XRN1: variants seen among roughly 807,000 people sequenced by gnomAD.
The protein encoded by XRN1 is strand-exchange protein 1 homolog.
A neutral mutation model predicts 222.3 loss-of-function variants in XRN1; 67 were observed. That is an observed-to-expected ratio of 0.30 (90% CI 0.25 to 0.37). The LOEUF (loss-of-function observed/expected upper bound fraction) is 0.37. Among genes scored for constraint, XRN1 ranks in the 10% least tolerant of loss-of-function variants. XRN1 has a pLI of 1.00. For synonymous variants in XRN1, 643 were observed against 652.4 expected (o/e 0.99, Z 0.22); for missense variants, 1,707 against 2,000.2 (o/e 0.85, Z 2.80).
At chr3:142,353,719 A>G (rs1468353051) in intron 32 of XRN1, among the ~76,000 whole-genome samples, 1 of 152,236 alleles carries the variant, frequency 6.6e-6, no homozygotes, top group Non-Finnish European at 1.5e-5. Flanking sequence ...TCAAACTGTA[A>G]GAATCCTAGA....
At chr3:142,387,099 T>G (rs1577341841) in intron 20 of XRN1, among the ~76,000 whole-genome samples, 1 of 152,188 alleles carries the variant, frequency 6.6e-6, no homozygotes, top group African/African-American at 2.4e-5. Flanking sequence ...ATGGAAAAAT[T>G]GTGCTGTATT....
rs371563012 is a variant in XRN1, at chr3:142,447,975, C to G, written c.-31G>C. 1 of 1,610,660 alleles carries G rather than the reference C, an allele frequency of 6.2e-7. No homozygotes were observed. The highest frequency in any genetic ancestry group is 1.7e-5 in the Admixed American group (1 of 59,736). On this transcript the variant is annotated 5_prime_UTR_variant, in exon 1 of 41. Transcript: ENST00000392981. This position sits in a 1 kb window ranked among gnomAD's most constrained non-coding sequence, Gnocchi z 4.2. ...TCGTCAACACTAATCCCAGTCAGGGCCAAACCGAAACCAAACGCCCCGCCG... is the reference window on the plus strand; with the variant it reads ...TCGTCAACACTAATCCCAGTCAGGGGCAAACCGAAACCAAACGCCCCGCCG...
intron 20 of XRN1, among the ~76,000 whole-genome samples, chr3:142,389,270 G>C (rs1577345899): frequency 6.6e-6 from 1 of 152,102 alleles, no homozygotes; most frequent in East Asian, 1.9e-4. Flanking sequence ...TCATGAGAAA[G>C]CAGCAATTCA....
At chr3:142,440,486 T>A (rs889875347) in intron 1 of XRN1, among the ~76,000 whole-genome samples, 16 of 151,916 alleles carry the variant, frequency 1.1e-4, no homozygotes, top group African/African-American at 3.9e-4. Context: ...CTGGTCAAGT[T>A]AAACTAAAGG....
At chr3:142,344,491 G>A (rs1376996114) in intron 33 of XRN1, among the ~76,000 whole-genome samples, 4 of 152,060 alleles carry the variant, frequency 2.6e-5, no homozygotes, top group Admixed American at 2.6e-4. Flanking sequence ...GAAATAAAAG[G>A]CATTGAGATT....
At chr3:142,312,425 C>G (rs1019502415) in intron 40 of XRN1, among the ~76,000 whole-genome samples, 173 bp downstream of exon 40, 2 of 152,038 alleles carry the variant, frequency 1.3e-5, no homozygotes, top group Non-Finnish European at 2.9e-5. Flanking sequence ...TTTATTAGAA[C>G]ACAAACTCAG....
chr3:142,364,073 A>G (rs2066739271), intron 29 of XRN1, among the ~76,000 whole-genome samples: 1 of 152,242 alleles, frequency 6.6e-6, no homozygotes, highest in Non-Finnish European at 1.5e-5. Context: ...CCACTTATCT[A>G]TGTAAACACA....
chr3:142,427,504 GATA>G (rs1482083495), intron 2 of XRN1, among the ~76,000 whole-genome samples: 4 of 152,170 alleles, frequency 2.6e-5, no homozygotes, highest in South Asian at 2.1e-4. Flanking sequence ...TACATCTAAT[GATA>G]ATGACATTTA....
At chr3:142,415,122 T>C (rs1006409680) in intron 13 of XRN1, among the ~76,000 whole-genome samples, 2 of 152,262 alleles carry the variant, frequency 1.3e-5, no homozygotes, top group Admixed American at 1.3e-4. Context: ...ATGCTTATTA[T>C]TGTATTTGTG....
At position 142,414,341 on chromosome 3, in the gene XRN1, TTAA is replaced by T. The variant is rs745991535; in HGVS notation, c.1437-53_1437-51del. ...ACAAGTGGCATCTTTATGAATTAGG[TTAA>T]TAATAAACATATACTTTTCCCCATA... On this transcript the variant is annotated intron_variant, in intron 13 of 40. Transcript: ENST00000392981. 8.6e-6 allele frequency: 12 copies of T among 1,390,320 alleles called. No homozygotes were observed. The African/African-American group carries it at 1.6e-4, about 19-fold the overall frequency. The allele number at this position is 1,390,320 out of a possible 1,614,324, so 86.1% of individuals were successfully genotyped here.
At position 142,309,549 on chromosome 3, in the gene XRN1, T is replaced by G. The variant is rs1206828360; in HGVS notation, c.*1962A>C. 6.6e-6 allele frequency: 1 copy of G among 152,268 alleles called. No homozygotes were observed. Among genetic ancestry groups the G allele is most frequent in the African/African-American group, 2.4e-5 (1 of 41,474 alleles). The allele number at this position is 152,268 out of a possible 1,614,324, so 9.4% of individuals were successfully genotyped here. A position where few individuals can be genotyped will look rare whatever the true frequency, so the allele number is the denominator to read the frequency against. On this transcript the variant is annotated 3_prime_UTR_variant, in exon 41 of 41. Transcript: ENST00000392981. ...AAAACTCTTTCACTGCCTATCTGTA[T>G]AGAACTGTCAGCTTGCTGTGCTCAA... is the stretch of plus-strand genomic sequence containing the variant.
At chr3:142,423,809 A>G (rs191930184) in intron 5 of XRN1, among the ~76,000 whole-genome samples, 167 bp from the exon 6 acceptor site, 8 of 152,322 alleles carry the variant, frequency 5.3e-5, no homozygotes, top group Admixed American at 5.2e-4. Context: ...GAATGAGATA[A>G]AGTGTACTTT....
chr3:142,411,885 G>A (rs554982291), intron 15 of XRN1, among the ~76,000 whole-genome samples: 6 of 150,100 alleles, frequency 4.0e-5, no homozygotes, highest in Non-Finnish European at 7.4e-5. Context: ...GCAGTGGCGC[G>A]ATCTCGGTTC....
At chr3:142,438,520 A>G (rs2070032937) in intron 1 of XRN1, among the ~76,000 whole-genome samples, 1 of 152,140 alleles carries the variant, frequency 6.6e-6, no homozygotes, top group South Asian at 2.1e-4. Flanking sequence ...ACTAATGCTC[A>G]TTGGAAAATG....
At chr3:142,344,784 T>C (rs1219042920) in intron 33 of XRN1, among the ~76,000 whole-genome samples, 1 of 152,168 alleles carries the variant, frequency 6.6e-6, no homozygotes, top group Non-Finnish European at 1.5e-5. Flanking sequence ...CTTGTGTTCA[T>C]GGACAGGAAA....
chr3:142,391,752 AT>A (rs1559843421), intron 20 of XRN1, among the ~76,000 whole-genome samples: 568 of 49,896 alleles, frequency 0.011, 3 homozygotes, highest in East Asian at 0.035. Context: ...AAAAAAAAAT[AT>A]ATATATATAT....
At chr3:142,346,109 T>C (rs1314048845) in intron 33 of XRN1, among the ~76,000 whole-genome samples, 2 of 152,232 alleles carry the variant, frequency 1.3e-5, no homozygotes, top group African/African-American at 4.8e-5. Context: ...TTATTCACTA[T>C]AGCCCCAATG....
chr3:142,354,796 G>T (rs2066415626), intron 32 of XRN1, among the ~76,000 whole-genome samples: 1 of 152,076 alleles, frequency 6.6e-6, no homozygotes, highest in South Asian at 2.1e-4. Flanking sequence ...CTCTCAAGGT[G>T]CTGGGATTAC....
chr3:142,421,602 T>C (rs1234992547), intron 8 of XRN1, 59 bp from the exon 9 acceptor site: 2 of 1,236,360 alleles, frequency 1.6e-6, no homozygotes, highest in Non-Finnish European at 2.3e-6. Context: ...TAAACAATTC[T>C]ACAAAACTCT....
Sources: gnomAD v4.1 joint callset for allele counts (sites outside exome capture counted in the v4.1 genomes callset) on GRCh38, gnomAD v4.1.1 for gene constraint, Gnocchi (gnomAD v3.1) non-coding constraint, MANE v1.5 for transcripts, NCBI Gene and HGNC (gene_info 2026-07-23, HGNC 2026-07-21) for gene names.